ANKS1B: variants seen among roughly 807,000 people sequenced by gnomAD.
ANKS1B encodes the protein ankyrin repeat and sterile alpha motif domain containing 1B.
In ANKS1B, 36 loss-of-function variants were observed where a neutral mutation model predicts 148.3. That is an observed-to-expected ratio of 0.24 (90% CI 0.19 to 0.32). The LOEUF is 0.32. Ranked by LOEUF, ANKS1B falls within the 10% of genes least tolerant of loss-of-function variation. The pLI, the probability that ANKS1B is intolerant of heterozygous loss-of-function variation, is 1.00. For synonymous variants in ANKS1B, 542 were observed against 560.8 expected, an observed-to-expected ratio of 0.97 and a Z score of 0.47; for missense variants, 1,157 against 1,542.6, an observed-to-expected ratio of 0.75 and a Z score of 4.19.
chr12:98,860,822 C>T (rs2099595597), intron 17 of ANKS1B, among the ~76,000 whole-genome samples: 1 of 152,018 alleles, frequency 6.6e-6, no homozygotes, highest in Admixed American at 6.6e-5. Context: ...ACATGGCACA[C>T]GTTTACCTAT....
chr12:99,345,999 C>G (rs910341705), intron 12 of ANKS1B, among the ~76,000 whole-genome samples: 1 of 151,994 alleles, frequency 6.6e-6, no homozygotes, highest in African/African-American at 2.4e-5. Flanking sequence ...AATTGGGCTA[C>G]TGGCATTATT....
chr12:98,838,586 G>A (rs1030950146), intron 17 of ANKS1B, among the ~76,000 whole-genome samples: 1 of 152,202 alleles, frequency 6.6e-6, no homozygotes, highest in Non-Finnish European at 1.5e-5. Context: ...TCACCACCAG[G>A]CGACTGCATC....
At chr12:99,231,862 T>C (rs1262677976) in intron 14 of ANKS1B, among the ~76,000 whole-genome samples, 1 of 152,012 alleles carries the variant, frequency 6.6e-6, no homozygotes, top group African/African-American at 2.4e-5. Flanking sequence ...AAGAGGCTCT[T>C]TTAGGAGAAA....
intron 15 of ANKS1B, among the ~76,000 whole-genome samples, chr12:99,118,463 C>T (rs2153718696): frequency 6.6e-6 from 1 of 152,298 alleles, no homozygotes; most frequent in Middle Eastern, 3.4e-3. Context: ...CTTTATATAG[C>T]ACCCTTTCCT....
chr12:98,842,832 C>T (rs1027537923), intron 17 of ANKS1B, among the ~76,000 whole-genome samples: 1 of 152,082 alleles, frequency 6.6e-6, no homozygotes, highest in Non-Finnish European at 1.5e-5. Context: ...TAACTATAGG[C>T]TAATAGATCA....
At chr12:99,307,857 T>C (rs2082569627) in intron 12 of ANKS1B, among the ~76,000 whole-genome samples, 1 of 152,124 alleles carries the variant, frequency 6.6e-6, no homozygotes, top group Non-Finnish European at 1.5e-5. Flanking sequence ...CTCCAAAGGC[T>C]AATTCTTGCT....
At chr12:98,753,895 G>A (rs1163526182) in intron 25 of ANKS1B, among the ~76,000 whole-genome samples, 1 of 152,218 alleles carries the variant, frequency 6.6e-6, no homozygotes, top group Non-Finnish European at 1.5e-5. Flanking sequence ...CCACACTGCT[G>A]CTGGGGAGAT....
At chr12:98,805,515 G>T (rs1489896192) in intron 20 of ANKS1B, among the ~76,000 whole-genome samples, 2 of 152,080 alleles carry the variant, frequency 1.3e-5, no homozygotes, top group Non-Finnish European at 2.9e-5. Flanking sequence ...GAGTCTGAAG[G>T]ACTATAATTG....
chr12:99,806,894 A>T (rs1443134650), intron 3 of ANKS1B, among the ~76,000 whole-genome samples, 194 bp from the exon 4 acceptor site: 1 of 152,174 alleles, frequency 6.6e-6, no homozygotes, highest in African/African-American at 2.4e-5. Flanking sequence ...AATTTTTTAT[A>T]TCACTTTAAT....
intron 1 of ANKS1B, among the ~76,000 whole-genome samples, chr12:99,857,102 T>C (rs2089253029): frequency 6.6e-6 from 1 of 152,148 alleles, no homozygotes; most frequent in Non-Finnish European, 1.5e-5. Flanking sequence ...CTGTCACTGT[T>C]TGCTGAAGAC....
chr12:98,816,995 GA>G (rs576613428), intron 19 of ANKS1B, among the ~76,000 whole-genome samples: 43 of 141,330 alleles, frequency 3.0e-4, no homozygotes, highest in Admixed American at 3.5e-4. Context: ...TTCTAGCCCT[GA>G]AAAAAAAAAA....
intron 8 of ANKS1B, among the ~76,000 whole-genome samples, chr12:99,718,304 G>T (rs1460377944): frequency 1.3e-5 from 2 of 151,902 alleles, no homozygotes; most frequent in Non-Finnish European, 2.9e-5. Context: ...ACTATTCCTG[G>T]ACTACAGCTG....
chr12:99,266,536 T>C (rs956312236), intron 12 of ANKS1B, among the ~76,000 whole-genome samples: 1 of 152,212 alleles, frequency 6.6e-6, no homozygotes, highest in African/African-American at 2.4e-5. Context: ...CTCTAGAGGT[T>C]GTGCTCTTAC....
rs190806907 is a variant in ANKS1B, at chr12:99,554,659, T to A, written c.1273-50018A>T. On this transcript the variant is annotated intron_variant, in intron 9 of 26. Transcript: ENST00000683438. Reference sequence around the variant, plus strand: ...CTCAGAACTTTAAAGAGGGAAGCATTTCAGGTCACTTTGGTCCAATATTGG... The same window carrying A: ...CTCAGAACTTTAAAGAGGGAAGCATATCAGGTCACTTTGGTCCAATATTGG... Among the ~76,000 whole-genome samples the A allele has an allele frequency of 2.0e-5, 3 of 152,260 alleles. No homozygotes were observed. In the East Asian group the frequency reaches 5.8e-4, roughly 29 times the overall value.
chr12:99,597,251 G>GGAGA (rs3081683), intron 9 of ANKS1B, among the ~76,000 whole-genome samples: 87,711 of 149,360 alleles, frequency 0.59, 26,265 homozygotes, highest in African/African-American at 0.72. Context: ...AATGTCTGAG[G>GGAGA]GAGAGAGAGA....
chr12:99,337,174 G>A (rs2089058013), intron 12 of ANKS1B, among the ~76,000 whole-genome samples: 1 of 151,754 alleles, frequency 6.6e-6, no homozygotes, highest in Non-Finnish European at 1.5e-5. Flanking sequence ...AAATTTTGTA[G>A]GTGTGCTTCA....
intron 14 of ANKS1B, among the ~76,000 whole-genome samples, chr12:99,240,747 T>C (rs1342930936): frequency 6.6e-6 from 1 of 152,152 alleles, no homozygotes; most frequent in Non-Finnish European, 1.5e-5. Flanking sequence ...AGAAATTCAC[T>C]CAAAACTGCT....
intron 14 of ANKS1B, among the ~76,000 whole-genome samples, chr12:99,202,537 T>C (rs943178690): frequency 1.3e-5 from 2 of 152,246 alleles, no homozygotes; most frequent in Non-Finnish European, 2.9e-5. Context: ...TTCCATTCTA[T>C]ACTGAACACT....
intron 1 of ANKS1B, among the ~76,000 whole-genome samples, chr12:99,852,654 AC>A (rs1474433719): frequency 6.6e-6 from 1 of 152,228 alleles, no homozygotes; most frequent in Non-Finnish European, 1.5e-5. Flanking sequence ...GGAGACTCAC[AC>A]TGTGAACTTT....
Sources: allele counts gnomAD v4.1 joint callset (sites outside exome capture counted in the v4.1 genomes callset), GRCh38; gene constraint gnomAD v4.1.1; transcripts MANE v1.5; gene names NCBI Gene and HGNC (gene_info 2026-07-23, HGNC 2026-07-21).